QPRT: variants seen among roughly 807,000 people sequenced by gnomAD.
The protein encoded by QPRT is quinolinate phosphoribosyltransferase.
Under a neutral mutation model 19.8 loss-of-function variants are expected in QPRT, and 17 were observed. The observed-to-expected ratio is 0.86, with a 90% CI of 0.59 to 1.29. QPRT has a LOEUF of 1.29. Ranked by LOEUF, QPRT falls within the 50% of genes most tolerant of loss-of-function variation. QPRT has a pLI of 0.00. For synonymous variants in QPRT, 178 were observed against 191.0 expected (o/e 0.93, Z 0.56); for missense variants, 336 against 405.1 (o/e 0.83, Z 1.46).
rs367579558 is a variant in QPRT, at chr16:29,697,239, C to T, written c.722C>T (p.Pro241Leu). ...GCCACCGTGCTGAAGGCCCAGTTCCCGAGTGTGGCTGTGGAAGCCAGTGGG... is the reference window on the plus strand; with the variant it reads ...GCCACCGTGCTGAAGGCCCAGTTCCTGAGTGTGGCTGTGGAAGCCAGTGGG... ...PTATVLKAQF[P>L]SVAVEASGGI... Residue 241 changes from proline to leucine, a missense_variant, in exon 4 of 4, where the codon CCG becomes CTG. Pro to Leu is a moderately conservative substitution (Grantham distance 98, BLOSUM62 -3). Transcript: ENST00000395384. This position sits in a 1 kb window ranked among gnomAD's most constrained non-coding sequence, Gnocchi z 4.4. 11 of 1,613,722 alleles carry T rather than the reference C, an allele frequency of 6.8e-6. No individual in the cohort carries two copies. The highest frequency in any genetic ancestry group is 5.3e-5 in the African/African-American group (4 of 74,942).
At chr16:29,681,493 CTT>C (rs10680462) in intron 1 of QPRT, among the ~76,000 whole-genome samples, 7 of 97,148 alleles carry the variant, frequency 7.2e-5, no homozygotes, top group Non-Finnish European at 9.4e-5. Flanking sequence ...GATCCAGATT[CTT>C]TTTTTTTTTT....
intron 1 of QPRT, among the ~76,000 whole-genome samples, chr16:29,689,152 T>C (rs1488935208): frequency 6.6e-6 from 1 of 150,962 alleles, no homozygotes; most frequent in Non-Finnish European, 1.5e-5. Flanking sequence ...TGGATTGCAA[T>C]GGCGCAATCT....
intron 1 of QPRT, among the ~76,000 whole-genome samples, chr16:29,684,925 G>A (rs76252796): frequency 0.048 from 7,262 of 152,186 alleles, 438 homozygotes; most frequent in East Asian, 0.15. Flanking sequence ...GCCATGGCTG[G>A]CACGCCATGG....
At chr16:29,691,851 A>T (rs1967345578) in intron 1 of QPRT, among the ~76,000 whole-genome samples, 1 of 152,174 alleles carries the variant, frequency 6.6e-6, no homozygotes, top group Non-Finnish European at 1.5e-5. Context: ...GGTGCAGTCA[A>T]GGAGGCTTGT....
intron 1 of QPRT, among the ~76,000 whole-genome samples, chr16:29,682,349 C>A (rs1967033618): frequency 6.6e-6 from 1 of 151,662 alleles, no homozygotes; most frequent in Admixed American, 6.6e-5. Flanking sequence ...CAAATCTTTT[C>A]ATATGTGAAC....
chr16:29,688,544 G>C (rs762102618), intron 1 of QPRT, among the ~76,000 whole-genome samples: 1 of 152,100 alleles, frequency 6.6e-6, no homozygotes, highest in African/African-American at 2.4e-5. Flanking sequence ...ATTTAAGACA[G>C]AGTCTCACTC....
At chr16:29,694,432 TTAAC>T (rs1319020748) in intron 1 of QPRT, among the ~76,000 whole-genome samples, 2 of 152,018 alleles carry the variant, frequency 1.3e-5, no homozygotes, top group Non-Finnish European at 2.9e-5. Flanking sequence ...AAGTTTAAAT[TTAAC>T]TAGGTGCCCA....
intron 1 of QPRT, among the ~76,000 whole-genome samples, chr16:29,682,131 G>C (rs2142295557): frequency 6.6e-6 from 1 of 152,136 alleles, no homozygotes; most frequent in Admixed American, 6.6e-5. Context: ...CTGGGCTCAA[G>C]TGGTCCTCCT....
intron 1 of QPRT, among the ~76,000 whole-genome samples, chr16:29,679,486 G>A (rs1018535828): frequency 6.6e-6 from 1 of 152,146 alleles, no homozygotes; most frequent in African/African-American, 2.4e-5. Context: ...CCTGGAGGAG[G>A]TGGCGTCTCC....
At chr16:29,681,841 GC>G (rs991573673) in intron 1 of QPRT, among the ~76,000 whole-genome samples, 16 of 151,686 alleles carry the variant, frequency 1.1e-4, no homozygotes, top group Non-Finnish European at 1.9e-4. Context: ...TCTTGCCTCA[GC>G]CTCACGAGTA....
In QPRT at chr16:29,697,100, T is replaced by C; in HGVS notation, c.654T>C (p.Leu218=). 1 of 1,610,006 alleles carries C rather than the reference T, an allele frequency of 6.2e-7. No homozygotes were observed. Among genetic ancestry groups the C allele is most frequent in the Non-Finnish European group, 8.5e-7 (1 of 1,177,634 alleles). Residue 218 remains leucine, a synonymous_variant, in exon 3 of 4, where the codon CTT becomes CTC. Transcript: ENST00000395384. The surrounding 1 kb of genome is among the most constrained non-coding windows in gnomAD (Gnocchi z 4.4). ...AVQAAEAGAD[L]VLLDNFKPEE... Reference sequence around the variant, plus strand: ...AGGCAGCTGAGGCTGGTGCCGACCTTGTCCTGCTGGACAACTTCAAGCCAG... The same window carrying C: ...AGGCAGCTGAGGCTGGTGCCGACCTCGTCCTGCTGGACAACTTCAAGCCAG...
intron 1 of QPRT, among the ~76,000 whole-genome samples, chr16:29,679,797 G>A (rs1416949330): frequency 6.6e-6 from 1 of 152,098 alleles, no homozygotes. Flanking sequence ...AGCCCTGGTT[G>A]CCTGATAATT....
chr16:29,685,432 T>C (rs906019296), intron 1 of QPRT, among the ~76,000 whole-genome samples: 6 of 152,000 alleles, frequency 3.9e-5, no homozygotes, highest in Admixed American at 6.6e-5. Flanking sequence ...GATCACACCA[T>C]TGCACTCCAG....
At chr16:29,696,878 C>T in intron 2 of QPRT, 118 bp from the exon 3 acceptor site, 1 of 1,244,686 alleles carries the variant, frequency 8.0e-7, no homozygotes, top group Non-Finnish European at 1.1e-6. Flanking sequence ...AGTCCCGGCT[C>T]CCCGCGCCCC....
intron 1 of QPRT, among the ~76,000 whole-genome samples, chr16:29,683,001 G>T (rs1192294064): frequency 2.6e-5 from 4 of 151,328 alleles, no homozygotes; most frequent in African/African-American, 7.3e-5. Context: ...GGGATTACAG[G>T]TATGAGCCAC....
intron 1 of QPRT, 139 bp from the exon 2 acceptor site, chr16:29,694,525 G>A (rs1249909620): frequency 3.0e-5 from 7 of 234,006 alleles, no homozygotes; most frequent in African/African-American, 2.2e-4. Context: ...CTTCCTCACC[G>A]CAGTCCCCCC....
At position 29,697,297 on chromosome 16, in the gene QPRT, C is replaced by T. The variant is rs866924879; in HGVS notation, c.780C>T (p.Cys260=). ...CCCTGGACAACCTCCCCCAGTTCTG[C>T]GGGCCGCACATAGACGTCATCTCCA... ...GITLDNLPQF[C]GPHIDVISMG... is the part of the protein sequence containing the mutation. Residue 260 remains cysteine, a synonymous_variant, in exon 4 of 4, where the codon TGC becomes TGT. Transcript: ENST00000395384. The surrounding 1 kb of genome is among the most constrained non-coding windows in gnomAD (Gnocchi z 4.4). 21 of 1,614,168 alleles carry T rather than the reference C, an allele frequency of 1.3e-5. No homozygotes were observed. In the Middle Eastern group the frequency reaches 1.2e-3, roughly 89 times the overall value.
At chr16:29,679,997 C>G (rs1452163954) in intron 1 of QPRT, among the ~76,000 whole-genome samples, 2 of 150,298 alleles carry the variant, frequency 1.3e-5, no homozygotes, top group Non-Finnish European at 3.0e-5. Context: ...TCTCGCTTTC[C>G]CCCAGGCTGG....
intron 1 of QPRT, among the ~76,000 whole-genome samples, chr16:29,692,014 T>A (rs568059210): frequency 2.5e-4 from 38 of 152,288 alleles, no homozygotes; most frequent in African/African-American, 8.7e-4. Flanking sequence ...TGCGCGTGCT[T>A]GTGCGTGTGC....
Sources: allele counts gnomAD v4.1 joint callset (sites outside exome capture counted in the v4.1 genomes callset), GRCh38; gene constraint gnomAD v4.1.1; non-coding constraint Gnocchi (gnomAD v3.1); transcripts MANE v1.5; gene names NCBI Gene and HGNC (gene_info 2026-07-23, HGNC 2026-07-21).